Variants in THRA observed in about 807,000 individuals in gnomAD.
The protein encoded by THRA is EAR-7.
Under a neutral mutation model 45.0 loss-of-function variants are expected in THRA, and 13 were observed. The ratio of observed to expected loss-of-function variants is 0.29; its 90% CI spans 0.19 to 0.46. The LOEUF (loss-of-function observed/expected upper bound fraction) is 0.46, where lower values mean the gene tolerates loss of function less well. THRA is among the 20% of genes least tolerant of loss of function. THRA has a pLI of 1.00. For missense variants in THRA, 278 were observed against 556.1 expected (o/e 0.50, Z 5.03); for synonymous variants, 195 against 214.0 (o/e 0.91, Z 0.78).
At position 40,088,523 on chromosome 17, in the gene THRA, G is replaced by T. The variant is rs1013171572; in HGVS notation, c.982+23G>T. 9 of 1,591,256 alleles carry T rather than the reference G, an allele frequency of 5.7e-6. 1 individual carries two copies. The Admixed American group carries it at 1.2e-4, about 21-fold the overall frequency. On this transcript the variant is annotated intron_variant, in intron 8 of 8. Transcript: ENST00000450525. ...CAGGTACCTGCTGATTAGTCGGGAG[G>T]GCTCAGAAGCTTCCAGGGGTCCCAG...
At chr17:40,093,449 G>A (rs1038783288), downstream of THRA, 19 of 1,519,480 alleles carry the variant, frequency 1.3e-5, 1 homozygote, top group African/African-American at 1.8e-4. This position sits in a 1 kb window ranked among gnomAD's most constrained non-coding sequence, Gnocchi z 5.9. Context: ...TCTGCCCCAA[G>A]AGCAGGAGGT....
chr17:40,075,243 TC>T (rs1326471707), intron 2 of THRA, among the ~76,000 whole-genome samples: 2 of 145,042 alleles, frequency 1.4e-5, no homozygotes, highest in Admixed American at 7.2e-5. Context: ...CAGAGCTTTG[TC>T]CCAGTTGGCA....
Position 40,074,414 on chromosome 17 carries a change from G to T in THRA, c.-75G>T. 1 of 1,561,018 alleles carries T rather than the reference G, an allele frequency of 6.4e-7. No homozygotes were observed. The highest frequency in any genetic ancestry group is 8.8e-7 in the Non-Finnish European group (1 of 1,135,460). On this transcript the variant is annotated 5_prime_UTR_variant, in exon 2 of 9. Transcript: ENST00000450525. The stretch of plus-strand genomic sequence containing the variant: ...GTGGCAGGGGGTGGGTGGCCTGTGG[G>T]TGTGCCGGGGGGGCCAGTGTGCCCA...
chr17:40,073,547 C>A (rs1170300401), intron 1 of THRA, among the ~76,000 whole-genome samples: 1 of 152,166 alleles, frequency 6.6e-6, no homozygotes, highest in Non-Finnish European at 1.5e-5. Context: ...AGCAGCTCAG[C>A]TAAACCAACT....
intron 2 of THRA, among the ~76,000 whole-genome samples, chr17:40,074,852 C>A (rs1454513195): frequency 6.6e-6 from 1 of 152,230 alleles, no homozygotes; most frequent in African/African-American, 2.4e-5. Context: ...CTGCCCTTAC[C>A]TTGAGCATGT....
At chr17:40,072,899 AC>A (rs1986827849) in intron 1 of THRA, among the ~76,000 whole-genome samples, 1 of 151,326 alleles carries the variant, frequency 6.6e-6, no homozygotes, top group Non-Finnish European at 1.5e-5. Context: ...ATGCCCCCCC[AC>A]CCCAGTCTCC....
chr17:40,065,640 C>T (rs1241777902), intron 1 of THRA, among the ~76,000 whole-genome samples: 2 of 152,178 alleles, frequency 1.3e-5, no homozygotes, highest in African/African-American at 4.8e-5. Context: ...CCTCTGCCCC[C>T]CCTGCGCAGC....
At chr17:40,081,130 A>G (rs1164651022) in intron 4 of THRA, among the ~76,000 whole-genome samples, 2 of 152,100 alleles carry the variant, frequency 1.3e-5, no homozygotes, top group East Asian at 3.8e-4. Context: ...ACTTTGGGCA[A>G]ATTGCTTCAT....
rs1315383689 is a variant in THRA, at chr17:40,076,931, C to T, written c.114C>T (p.Ser38=). 1.9e-6 allele frequency: 3 copies of T among 1,614,096 alleles called. No homozygotes were observed. The highest frequency in any genetic ancestry group is 2.5e-6 in the Non-Finnish European group (3 of 1,179,966). The change falls in exon 3 of 9, where the codon AGC becomes AGT. Residue 38 remains serine, a synonymous_variant. Transcript: ENST00000450525. The part of the protein sequence containing the change: ...RKNGQCSLKT[S]MSGYIPSYLD... ...ACGGCCAATGTTCCCTGAAAACCAG[C>T]ATGTCAGGTGAGGCTGGCTGTGCGT...
At chr17:40,079,217 C>T (rs1212848568) in intron 4 of THRA, among the ~76,000 whole-genome samples, 1 of 151,852 alleles carries the variant, frequency 6.6e-6, no homozygotes, top group Non-Finnish European at 1.5e-5. Flanking sequence ...GAGGGGATGA[C>T]AAGGTCATAG....
intron 4 of THRA, among the ~76,000 whole-genome samples, chr17:40,083,628 C>T (rs373647204): frequency 6.6e-5 from 10 of 152,226 alleles, no homozygotes; most frequent in African/African-American, 2.4e-4. Flanking sequence ...CACCCCCAAC[C>T]CCTCAGCAGC....
intron 4 of THRA, among the ~76,000 whole-genome samples, chr17:40,078,587 T>C (rs1040132321): frequency 3.9e-5 from 6 of 152,070 alleles, no homozygotes; most frequent in Non-Finnish European, 8.8e-5. Context: ...GGTGTGAGAG[T>C]GTAGTACGTA....
At chr17:40,063,424 G>A (rs1484192174) in intron 1 of THRA, among the ~76,000 whole-genome samples, 2 of 152,078 alleles carry the variant, frequency 1.3e-5, no homozygotes, top group Non-Finnish European at 2.9e-5. Flanking sequence ...GTTGCCGGCC[G>A]CCGGAGCTCC....
intron 7 of THRA, 87 bp from the exon 8 acceptor site, chr17:40,088,155 T>A (rs1469926585): frequency 5.3e-6 from 8 of 1,501,702 alleles, no homozygotes; most frequent in Non-Finnish European, 7.1e-6. Flanking sequence ...CTTGCGGGCC[T>A]CACGGCTCCC....
rs1264554703 is a variant in THRA, at chr17:40,074,273, C to T, written c.-216C>T. 16 of 580,808 alleles carry T rather than the reference C, an allele frequency of 2.8e-5. No homozygotes were observed. The highest frequency in any genetic ancestry group is 1.2e-5 in the Non-Finnish European group (4 of 324,324). The allele number at this position is 580,808 out of a possible 1,614,324, so 36.0% of individuals were successfully genotyped here. A position where few individuals can be genotyped will look rare whatever the true frequency, so the allele number is the denominator to read the frequency against. ...CCACAAACCCAGCTTGCCCCCAGCCCTCCCACCTGCCACTCCCTGGCCCCT... is the reference window on the plus strand; with the variant it reads ...CCACAAACCCAGCTTGCCCCCAGCCTTCCCACCTGCCACTCCCTGGCCCCT... On this transcript the variant is annotated 5_prime_UTR_variant, in exon 2 of 9. Coordinates refer to ENST00000450525, the MANE Select transcript of THRA (RefSeq NM_199334.5).
At chr17:40,075,709 C>CTA (rs1986930941) in intron 2 of THRA, among the ~76,000 whole-genome samples, 1 of 152,198 alleles carries the variant, frequency 6.6e-6, no homozygotes, top group Non-Finnish European at 1.5e-5. Context: ...GTGGCTATCT[C>CTA]TAGGACTACA....
At chr17:40,085,237 C>T (rs1034765456) in intron 6 of THRA, among the ~76,000 whole-genome samples, 2 of 152,192 alleles carry the variant, frequency 1.3e-5, no homozygotes, top group African/African-American at 4.8e-5. Flanking sequence ...TGGCTCATGC[C>T]TGTAATCCCA....
chr17:40,065,106 CA>C (rs1225897879), intron 1 of THRA, among the ~76,000 whole-genome samples: 4 of 151,274 alleles, frequency 2.6e-5, no homozygotes, highest in African/African-American at 9.8e-5. Context: ...ACAGTGGGTT[CA>C]GGGGGGTTCC....
Position 40,074,277 on chromosome 17 carries a change from C to T in THRA, c.-212C>T, listed in dbSNP as rs1214925237. Reference sequence around the variant, plus strand: ...AAACCCAGCTTGCCCCCAGCCCTCCCACCTGCCACTCCCTGGCCCCTCCCA... The same window carrying T: ...AAACCCAGCTTGCCCCCAGCCCTCCTACCTGCCACTCCCTGGCCCCTCCCA... On this transcript the variant is annotated 5_prime_UTR_variant, in exon 2 of 9. Transcript: ENST00000450525. The T allele has an allele frequency of 1.7e-6, 1 of 585,012 alleles. No homozygotes were observed. The highest frequency in any genetic ancestry group is 3.1e-6 in the Non-Finnish European group (1 of 327,290). 36.2% of individuals were successfully genotyped at this position (585,012 alleles called of 1,614,324 possible).
Sources: allele counts gnomAD v4.1 joint callset (sites outside exome capture counted in the v4.1 genomes callset), GRCh38; gene constraint gnomAD v4.1.1; non-coding constraint Gnocchi (gnomAD v3.1); transcripts MANE v1.5; gene names NCBI Gene and HGNC (gene_info 2026-07-23, HGNC 2026-07-21).